CCDC88C: variants seen among roughly 807,000 people sequenced by gnomAD.
The protein encoded by CCDC88C is protein Daple.
CCDC88C carries 131 observed loss-of-function variants against 198.8 expected under a neutral mutation model. The observed-to-expected ratio is 0.66, with a 90% confidence interval of 0.57 to 0.76. CCDC88C has a LOEUF of 0.76. Among genes scored for constraint, CCDC88C ranks in the 30% least tolerant of loss-of-function variants. The pLI, the probability that CCDC88C is intolerant of heterozygous loss-of-function variation, is 0.00. For synonymous variants in CCDC88C, 1,166 were observed against 1,114.7 expected (o/e 1.05, Z -0.92); for missense variants, 2,553 against 2,631.6 (o/e 0.97, Z 0.65).
chr14:91,303,648 C>T (rs1322543504), intron 20 of CCDC88C, 53 bp downstream of exon 20: 3 of 1,492,054 alleles, frequency 2.0e-6, no homozygotes, highest in South Asian at 1.3e-5. Context: ...TGGGCCCAGC[C>T]TCTCCTCTGG....
At chr14:91,354,576 A>G (rs1431251734) in intron 4 of CCDC88C, among the ~76,000 whole-genome samples, 1 of 152,204 alleles carries the variant, frequency 6.6e-6, no homozygotes, top group Non-Finnish European at 1.5e-5. Flanking sequence ...CAGAGAATGA[A>G]TCTCACTTGA....
At position 91,279,354 on chromosome 14, in the gene CCDC88C, T is replaced by C. The variant is rs1205949436; in HGVS notation, c.4700-48A>G. The C allele has an allele frequency of 6.8e-6, 10 of 1,468,870 alleles. No homozygotes were observed. The African/African-American group carries it at 1.4e-4, about 21-fold the overall frequency. 91.0% of individuals were successfully genotyped at this position (1,468,870 alleles called of 1,614,324 possible). A position where few individuals can be genotyped will look rare whatever the true frequency, so the allele number is the denominator to read the frequency against. ...AAATTAAAAAGCCAATGACCAGGTA[T>C]ATCCCAGATGAGCCATCTAAGAAAA... On this transcript the variant is annotated intron_variant, in intron 27 of 29. Transcript: ENST00000389857.
At chr14:91,388,069 C>G (rs537566354) in intron 3 of CCDC88C, among the ~76,000 whole-genome samples, 219 of 152,314 alleles carry the variant, frequency 1.4e-3, no homozygotes, top group Non-Finnish European at 2.6e-3. Flanking sequence ...CTTGAACATT[C>G]CACTGCTGAG....
At chr14:91,377,253 C>A (rs1884489746) in intron 3 of CCDC88C, among the ~76,000 whole-genome samples, 1 of 152,294 alleles carries the variant, frequency 6.6e-6, no homozygotes, top group East Asian at 1.9e-4. Flanking sequence ...CCACCCATTC[C>A]TGTGTGGCAG....
chr14:91,369,916 G>A (rs779690329), intron 3 of CCDC88C, among the ~76,000 whole-genome samples: 2 of 152,138 alleles, frequency 1.3e-5, no homozygotes, highest in Non-Finnish European at 2.9e-5. Flanking sequence ...AACTCGGCCC[G>A]GCCGAGGCTA....
chr14:91,403,422 G>A (rs988792013), intron 3 of CCDC88C, among the ~76,000 whole-genome samples: 15 of 152,170 alleles, frequency 9.9e-5, no homozygotes, highest in East Asian at 7.7e-4. Flanking sequence ...ACAAGGCGCC[G>A]GACTGAAGGT....
At chr14:91,398,996 G>T (rs985367646) in intron 3 of CCDC88C, among the ~76,000 whole-genome samples, 1 of 152,174 alleles carries the variant, frequency 6.6e-6, no homozygotes, top group Middle Eastern at 3.2e-3. Flanking sequence ...GTGTGCTGGT[G>T]CCCTCTCTCC....
intron 3 of CCDC88C, among the ~76,000 whole-genome samples, chr14:91,389,286 C>T (rs1300300462): frequency 6.6e-6 from 1 of 152,178 alleles, no homozygotes; most frequent in East Asian, 1.9e-4. Flanking sequence ...AAAAGAGGGT[C>T]ATGGGCCCTG....
intron 3 of CCDC88C, among the ~76,000 whole-genome samples, chr14:91,363,897 C>T (rs936921410): frequency 2.0e-5 from 3 of 152,236 alleles, no homozygotes; most frequent in South Asian, 2.1e-4. Flanking sequence ...GACCCTCCCA[C>T]GTGGCATCAG....
At chr14:91,317,717 C>T (rs1466750020) in intron 13 of CCDC88C, among the ~76,000 whole-genome samples, 2 of 152,212 alleles carry the variant, frequency 1.3e-5, no homozygotes, top group Admixed American at 6.5e-5. Context: ...TCCCTTCCGG[C>T]GCCCCCACGA....
At position 91,338,567 on chromosome 14, in the gene CCDC88C, C is replaced by A; in HGVS notation, c.813G>T (p.Glu271Asp). The stretch of plus-strand genomic sequence containing the variant: ...TGTCCACAAGCTGCTCTGTCTTATC[C>A]TCCCTGCAGAGGCAGTAAGGAGAAA... Reference protein sequence around the residue: ...ARLRRVRQELEDKTEQLVDTR... With the variant: ...ARLRRVRQELDDKTEQLVDTR... Residue 271 changes from glutamate to aspartate, a missense_variant, in exon 9 of 30, where the codon GAG (glutamate) becomes GAT (aspartate). Around this residue, in one of 2 missense-constraint regions of CCDC88C, gnomAD observed 1,260 missense variants for 1,412.0 expected, o/e 0.89. Coordinates refer to ENST00000389857, the MANE Select transcript of CCDC88C (RefSeq NM_001080414.4). The surrounding 1 kb of genome is among the most constrained non-coding windows in gnomAD (Gnocchi z 4.8). 1 of 1,561,708 alleles carries A rather than the reference C, an allele frequency of 6.4e-7. No individual in the cohort carries two copies. The highest frequency in any genetic ancestry group is 8.7e-7 in the Non-Finnish European group (1 of 1,152,898).
chr14:91,310,553 G>T (rs1891774120), intron 15 of CCDC88C, among the ~76,000 whole-genome samples: 2 of 152,072 alleles, frequency 1.3e-5, no homozygotes, highest in Non-Finnish European at 2.9e-5. Context: ...TGGAATTACA[G>T]GTGTGCACCA....
intron 3 of CCDC88C, 134 bp from the exon 4 acceptor site, chr14:91,359,845 T>A (rs1894225106): frequency 1.3e-6 from 1 of 750,332 alleles, no homozygotes; most frequent in Non-Finnish European, 2.3e-6. Context: ...GGAGCTAAAA[T>A]GACAGCAAGG....
chr14:91,415,935 CCA>C (rs936279751), intron 2 of CCDC88C, among the ~76,000 whole-genome samples: 1 of 152,120 alleles, frequency 6.6e-6, no homozygotes, highest in South Asian at 2.1e-4. Flanking sequence ...CGAGGCTGAT[CCA>C]CAGAGAACAT....
chr14:91,317,483 G>C (rs916134803), intron 13 of CCDC88C, among the ~76,000 whole-genome samples: 9 of 152,224 alleles, frequency 5.9e-5, no homozygotes, highest in Non-Finnish European at 1.3e-4. Context: ...GGTGCTGAAG[G>C]GTTCACCTGT....
Position 91,416,727 on chromosome 14 carries a change from A to G in CCDC88C, c.161+11T>C. Reference sequence around the variant, plus strand: ...CCATTCTTTCCTTCCTCCGAGAAGAAGGTAACTTACATTTGCAGCATAATT... The same window carrying G: ...CCATTCTTTCCTTCCTCCGAGAAGAGGGTAACTTACATTTGCAGCATAATT... On this transcript the variant is annotated intron_variant, in intron 2 of 29. Coordinates refer to ENST00000389857, the MANE Select transcript of CCDC88C (RefSeq NM_001080414.4). 1 of 1,570,786 alleles carries G rather than the reference A, an allele frequency of 6.4e-7. No individual in the cohort carries two copies. The highest frequency in any genetic ancestry group is 1.1e-5 in the South Asian group (1 of 89,816).
intron 3 of CCDC88C, among the ~76,000 whole-genome samples, chr14:91,391,421 A>G (rs1266351910): frequency 6.6e-6 from 1 of 152,162 alleles, no homozygotes; most frequent in Non-Finnish European, 1.5e-5. Flanking sequence ...AACTCTTTTC[A>G]TCTTGCAGAA....
intron 3 of CCDC88C, among the ~76,000 whole-genome samples, chr14:91,363,609 A>T (rs1024305257): frequency 4.6e-5 from 7 of 152,242 alleles, no homozygotes. Flanking sequence ...TTTAAGAAAG[A>T]AAAAATAGAC....
At chr14:91,321,874 AC>A (rs911381625) in intron 12 of CCDC88C, among the ~76,000 whole-genome samples, 1 of 152,192 alleles carries the variant, frequency 6.6e-6, no homozygotes, top group African/African-American at 2.4e-5. Context: ...TATGCAAATT[AC>A]TTTTAAAATT....
Sources: allele counts gnomAD v4.1 joint callset (sites outside exome capture counted in the v4.1 genomes callset), GRCh38; gene constraint gnomAD v4.1.1; regional missense constraint gnomAD v4.1.1; non-coding constraint Gnocchi (gnomAD v3.1); transcripts MANE v1.5; gene names NCBI Gene and HGNC (gene_info 2026-07-23, HGNC 2026-07-21).